HFM1: variants seen among roughly 807,000 people sequenced by gnomAD.
HFM1 encodes the protein probable ATP-dependent DNA helicase HFM1.
A neutral mutation model predicts 192.1 loss-of-function variants in HFM1; 169 were observed. The ratio of observed to expected loss-of-function variants is 0.88; its 90% CI spans 0.78 to 1.00. The LOEUF (loss-of-function observed/expected upper bound fraction) is 1.00. HFM1 is among the 50% of genes least tolerant of loss of function. HFM1 has a pLI of 0.00. For synonymous variants in HFM1, 525 were observed against 537.8 expected, an observed-to-expected ratio of 0.98 and a Z score of 0.33; for missense variants, 1,661 against 1,668.0, an observed-to-expected ratio of 1.00 and a Z score of 0.07.
intron 18 of HFM1, among the ~76,000 whole-genome samples, chr1:91,349,219 T>C (rs1026137597): frequency 3.3e-5 from 5 of 151,474 alleles, no homozygotes; most frequent in African/African-American, 1.2e-4. Flanking sequence ...ACCTGTGAGG[T>C]GGAGATTGCA....
intron 11 of HFM1, chr1:91,377,428 T>G (rs1337632872): frequency 6.6e-6 from 1 of 151,952 alleles, no homozygotes; most frequent in East Asian, 1.9e-4. Flanking sequence ...AGTGAGAAAG[T>G]AGAGTGAGAC....
At position 91,378,052 on chromosome 1, in the gene HFM1, T is replaced by A; in HGVS notation, c.1368A>T (p.Val456=). The A allele has an allele frequency of 6.2e-7, 1 of 1,612,142 alleles. No homozygotes were observed. Among genetic ancestry groups the A allele is most frequent in the Non-Finnish European group, 8.5e-7 (1 of 1,178,844 alleles). The change falls in exon 11 of 39, where the codon GTA becomes GTT. Residue 456 remains valine, a synonymous_variant. Coordinates refer to ENST00000370425, the MANE Select transcript of HFM1 (RefSeq NM_001017975.6). The stretch of plus-strand genomic sequence containing the variant: ...CCTCAGCATTTGGAATTGTTGCAGA[T>A]ACAGCTACAAATCGCATTGGAATAG... The part of the protein sequence containing the change: ...STAIPMRFVA[V]SATIPNAEDI...
chr1:91,405,543 A>C (rs957626924), upstream of HFM1, among the ~76,000 whole-genome samples: 1 of 152,112 alleles, frequency 6.6e-6, no homozygotes, highest in Non-Finnish European at 1.5e-5. Flanking sequence ...TGACTGCCCT[A>C]TTCCTGTTCT....
Position 91,403,250 on chromosome 1 carries a change from A to G in HFM1, c.-28+1548T>C, listed in dbSNP as rs79201663. On this transcript the variant is annotated intron_variant, in intron 1 of 38. Coordinates refer to ENST00000370425, the MANE Select transcript of HFM1 (RefSeq NM_001017975.6). ...GTGCCTGGCACACAGTAAATGGTCC[A>G]TAAGAATGCATTGTGGAATAAATGC... Among the ~76,000 whole-genome samples, 220 of 152,322 alleles carry G rather than the reference A, an allele frequency of 1.4e-3. 3 individuals carry two copies. In the East Asian group the frequency reaches 0.023, roughly 16 times the overall value.
chr1:91,368,952 G>C (rs189911723), intron 13 of HFM1, among the ~76,000 whole-genome samples: 58 of 152,248 alleles, frequency 3.8e-4, no homozygotes, highest in African/African-American at 1.3e-3. Context: ...TGCAATCCTA[G>C]TCTCTGATAA....
At chr1:91,296,927 A>T (rs962525451) in intron 30 of HFM1, among the ~76,000 whole-genome samples, 1 of 152,152 alleles carries the variant, frequency 6.6e-6, no homozygotes, top group African/African-American at 2.4e-5. Context: ...CTCACTGGGG[A>T]ATGTCAGACA....
At chr1:91,341,272 T>C (rs1259908989) in intron 20 of HFM1, among the ~76,000 whole-genome samples, 1 of 152,062 alleles carries the variant, frequency 6.6e-6, no homozygotes. Flanking sequence ...CAGAAATCAA[T>C]ACTAAGATCT....
intron 20 of HFM1, among the ~76,000 whole-genome samples, chr1:91,326,155 A>C (rs1387661623): frequency 6.6e-6 from 1 of 152,226 alleles, no homozygotes; most frequent in Non-Finnish European, 1.5e-5. Flanking sequence ...AGAGTTATTG[A>C]CCTTAAAGAA....
intron 13 of HFM1, among the ~76,000 whole-genome samples, chr1:91,367,161 T>G (rs982159421): frequency 2.6e-4 from 40 of 152,186 alleles, no homozygotes. Flanking sequence ...TCCCTGCCTC[T>G]GTAGACTCCA....
chr1:91,261,232 C>CT lies in HFM1; in HGVS notation c.*57dup. On this transcript the variant is annotated 3_prime_UTR_variant, in exon 39 of 39. Transcript: ENST00000370425. ...CTACTTTTTAAAAATAAAAAGCATG[C>CT]TTTGTGATTAGGTGTCTTTATTCTT... The CT allele has an allele frequency of 1.4e-6, 1 of 700,292 alleles. No homozygotes were observed. The highest frequency in any genetic ancestry group is 2.1e-6 in the Non-Finnish European group (1 of 471,436). The allele number at this position is 700,292 out of a possible 1,614,324, so 43.4% of individuals were successfully genotyped here.
rs577526914 is a variant in HFM1, at chr1:91,335,617, T to C, written c.2335+7813A>G. ...GAATGATTAATATTCTTACAGGAAA[T>C]TCAGGATATTTCAAAGATTAATATT... On this transcript the variant is annotated intron_variant, in intron 20 of 38. Transcript: ENST00000370425. Among the ~76,000 whole-genome samples, 106 of 152,274 alleles carry C rather than the reference T, an allele frequency of 7.0e-4. 1 individual carries two copies. Among genetic ancestry groups the C allele is most frequent in the African/African-American group, 2.5e-3 (102 of 41,562 alleles).
At chr1:91,379,640 T>G (rs1049480061) in intron 8 of HFM1, among the ~76,000 whole-genome samples, 1 of 147,826 alleles carries the variant, frequency 6.8e-6, no homozygotes, top group Non-Finnish European at 1.5e-5. Context: ...GAACTAAAAA[T>G]AGAAATAGAA....
At chr1:91,349,051 G>A (rs1656563900) in intron 18 of HFM1, among the ~76,000 whole-genome samples, 1 of 152,180 alleles carries the variant, frequency 6.6e-6, no homozygotes, top group Non-Finnish European at 1.5e-5. Flanking sequence ...ACTTTGGGAG[G>A]CCAAGGCAGG....
At chr1:91,340,506 A>G (rs1431226195) in intron 20 of HFM1, among the ~76,000 whole-genome samples, 1 of 152,222 alleles carries the variant, frequency 6.6e-6, no homozygotes, top group Non-Finnish European at 1.5e-5. Context: ...ACAAAGACAC[A>G]CTTTAGTATC....
At position 91,339,486 on chromosome 1, in the gene HFM1, G is replaced by C. The variant is rs145425402; in HGVS notation, c.2335+3944C>G. On this transcript the variant is annotated intron_variant, in intron 20 of 38. Transcript: ENST00000370425. ...GATAGAGCTGAAAAACTCACTGCAA[G>C]AATTTCATAATACAATTGGAAGTAT... 1.7e-4 allele frequency among the ~76,000 whole-genome samples: 26 copies of C among 152,126 alleles called. No individual in the cohort carries two copies. The East Asian group carries it at 3.7e-3, about 22-fold the overall frequency.
intron 4 of HFM1, among the ~76,000 whole-genome samples, chr1:91,387,880 A>G (rs1219176963): frequency 1.3e-5 from 2 of 148,340 alleles, no homozygotes; most frequent in African/African-American, 5.0e-5. Flanking sequence ...ACTAACCTGC[A>G]CAATGTGCAC....
chr1:91,372,115 T>C (rs563661357), intron 13 of HFM1, among the ~76,000 whole-genome samples: 35 of 152,242 alleles, frequency 2.3e-4, no homozygotes, highest in African/African-American at 5.1e-4. Flanking sequence ...TGTGGAGAAA[T>C]AGGAACACTT....
At chr1:91,293,732 A>G (rs1200132268) in intron 30 of HFM1, among the ~76,000 whole-genome samples, 8 of 151,410 alleles carry the variant, frequency 5.3e-5, no homozygotes, top group Non-Finnish European at 1.0e-4. Context: ...TCATGCTGCT[A>G]TAAAGACACA....
At chr1:91,367,532 C>T (rs1659537458) in intron 13 of HFM1, among the ~76,000 whole-genome samples, 1 of 152,192 alleles carries the variant, frequency 6.6e-6, no homozygotes, top group Non-Finnish European at 1.5e-5. Flanking sequence ...AACAGACCTG[C>T]AGCTGAGGGT....
Sources: allele counts gnomAD v4.1 joint callset (sites outside exome capture counted in the v4.1 genomes callset), GRCh38; gene constraint gnomAD v4.1.1; transcripts MANE v1.5; gene names NCBI Gene and HGNC (gene_info 2026-07-23, HGNC 2026-07-21).